The following GNAO1 variants were observed in gnomAD, a reference collection of about 807,000 sequenced individuals.
GNAO1 encodes G protein subunit alpha o1.
For missense variants in GNAO1, 166 were observed against 478.7 expected, an observed-to-expected ratio of 0.35 and a Z score of 6.10; for synonymous variants, 164 against 180.7, an observed-to-expected ratio of 0.91 and a Z score of 0.74.
At chr16:56,338,911 T>C (rs999117938) in intron 6 of GNAO1, among the ~76,000 whole-genome samples, 2 of 152,120 alleles carry the variant, frequency 1.3e-5, no homozygotes, top group Non-Finnish European at 2.9e-5. Context: ...CCTCCCTTTT[T>C]CCCCATTTCC....
chr16:56,242,785 T>G (rs1403894363), intron 2 of GNAO1, among the ~76,000 whole-genome samples: 2 of 152,154 alleles, frequency 1.3e-5, no homozygotes, highest in Non-Finnish European at 2.9e-5. Context: ...AGAAAAACAA[T>G]AGATAAATTA....
At chr16:56,341,429 G>A (rs1297600960) in intron 6 of GNAO1, among the ~76,000 whole-genome samples, 1 of 152,244 alleles carries the variant, frequency 6.6e-6, no homozygotes, top group African/African-American at 2.4e-5. Flanking sequence ...TGTGAGATGG[G>A]GTGATGGCTG....
chr16:56,297,884 A>T (rs1242296486), intron 3 of GNAO1, among the ~76,000 whole-genome samples: 11 of 152,132 alleles, frequency 7.2e-5, no homozygotes, highest in African/African-American at 2.7e-4. Context: ...AAAAATAGTT[A>T]TCGAGTGGGA....
chr16:56,266,425 C>A (rs2036954588), intron 2 of GNAO1, among the ~76,000 whole-genome samples: 2 of 152,180 alleles, frequency 1.3e-5, no homozygotes, highest in Non-Finnish European at 2.9e-5. Flanking sequence ...GAAATTAAGA[C>A]CCAGAATAAT....
chr16:56,322,676 A>G (rs544627878), intron 3 of GNAO1, among the ~76,000 whole-genome samples: 1 of 152,144 alleles, frequency 6.6e-6, no homozygotes, highest in East Asian at 1.9e-4. Flanking sequence ...TGAGATGTGA[A>G]GTCCAGAGCT....
intron 2 of GNAO1, among the ~76,000 whole-genome samples, chr16:56,229,761 A>T (rs965479136): frequency 3.3e-5 from 5 of 151,408 alleles, no homozygotes; most frequent in African/African-American, 9.7e-5. Context: ...TGAGGCCCAG[A>T]AACTCAAGTG....
chr16:56,318,178 G>C (rs1387142946), intron 3 of GNAO1, among the ~76,000 whole-genome samples: 19 of 152,334 alleles, frequency 1.2e-4, no homozygotes, highest in Non-Finnish European at 8.8e-5. Flanking sequence ...CTGACGCCCA[G>C]CTGCAGAGAG....
At chr16:56,244,766 C>G (rs1368064539) in intron 2 of GNAO1, among the ~76,000 whole-genome samples, 1 of 152,108 alleles carries the variant, frequency 6.6e-6, no homozygotes, top group East Asian at 1.9e-4. Context: ...GTGGGCTGGC[C>G]AGTATAGCCA....
intron 2 of GNAO1, among the ~76,000 whole-genome samples, chr16:56,242,355 G>C (rs2036701388): frequency 6.6e-6 from 1 of 152,148 alleles, no homozygotes; most frequent in South Asian, 2.1e-4. Context: ...AAGAGATTCA[G>C]AATAGCCAAA....
rs1369212779 is a variant in GNAO1 at position 56,199,755 on chromosome 16, G to A, written c.161+7139G>A. 2.6e-5 allele frequency among the ~76,000 whole-genome samples: 4 copies of A among 152,196 alleles called. No homozygotes were observed. In the East Asian group the frequency reaches 5.8e-4, roughly 22 times the overall value. On this transcript the variant is annotated intron_variant, in intron 2 of 8. Coordinates refer to ENST00000262493, the MANE Select transcript of GNAO1 (RefSeq NM_020988.3). ...AAAGAGAAACTTAGAAGCCTGAAAGGCGGTGGGGAATAGTGGGAGTATTTA... is the reference window on the plus strand; with the variant it reads ...AAAGAGAAACTTAGAAGCCTGAAAGACGGTGGGGAATAGTGGGAGTATTTA...
chr16:56,244,377 A>C (rs1055542495), intron 2 of GNAO1, among the ~76,000 whole-genome samples: 14 of 152,028 alleles, frequency 9.2e-5, no homozygotes, highest in African/African-American at 2.7e-4. Flanking sequence ...AAAAAAAAAA[A>C]AAACCTAACA....
At chr16:56,340,158 C>T (rs2037786653) in intron 6 of GNAO1, 1 of 152,246 alleles carries the variant, frequency 6.6e-6, no homozygotes, top group Non-Finnish European at 1.5e-5. Flanking sequence ...TCTCTGTTTT[C>T]ATCTGTTTTG....
intron 3 of GNAO1, among the ~76,000 whole-genome samples, chr16:56,296,305 C>T (rs1252458542): frequency 1.3e-5 from 2 of 152,102 alleles, no homozygotes; most frequent in African/African-American, 4.8e-5. Flanking sequence ...GGCTATTCCT[C>T]TGTTGTGATG....
intron 2 of GNAO1, among the ~76,000 whole-genome samples, chr16:56,258,375 A>C (rs1408044440): frequency 6.6e-6 from 1 of 152,230 alleles, no homozygotes; most frequent in African/African-American, 2.4e-5. Flanking sequence ...ACTTCATGAG[A>C]AAATATATAA....
rs1381326815 is a variant in GNAO1 at position 56,192,241 on chromosome 16, A to C, written c.6A>C (p.Gly2=). The C allele has an allele frequency of 6.4e-7, 1 of 1,574,288 alleles. No homozygotes were observed. Among genetic ancestry groups the C allele is most frequent in the South Asian group, 1.1e-5 (1 of 88,302 alleles). ...GTGGCAGGGAAGGGGCCACCATGGG[A>C]TGTACTCTGAGCGCAGAGGAGAGAG... is the stretch of plus-strand genomic sequence containing the variant. M[G]CTLSAEERAA... The change falls in exon 1 of 9, where the codon GGA becomes GGC. Residue 2 remains glycine (G), a synonymous_variant. Coordinates refer to ENST00000262493, the MANE Select transcript of GNAO1 (RefSeq NM_020988.3).
intron 2 of GNAO1, among the ~76,000 whole-genome samples, chr16:56,199,891 C>T (rs996159254): frequency 6.6e-6 from 1 of 152,186 alleles, no homozygotes; most frequent in East Asian, 1.9e-4. Context: ...AAAATAAAAT[C>T]TTGCAAGGCT....
intron 6 of GNAO1, chr16:56,346,029 G>A (rs1239463934): frequency 1.0e-6 from 1 of 985,290 alleles, no homozygotes; most frequent in African/African-American, 1.7e-5. Context: ...CTAGAACTGG[G>A]GCTGGAGGAG....
At chr16:56,292,047 T>C (rs1252302648) in intron 3 of GNAO1, among the ~76,000 whole-genome samples, 2 of 152,196 alleles carry the variant, frequency 1.3e-5, no homozygotes, top group African/African-American at 4.8e-5. Flanking sequence ...GGACTTACAC[T>C]CTTTTGGAGC....
intron 2 of GNAO1, among the ~76,000 whole-genome samples, chr16:56,206,187 G>A (rs1467547861): frequency 6.6e-6 from 1 of 152,056 alleles, no homozygotes; most frequent in Non-Finnish European, 1.5e-5. Context: ...GGGCATGGTG[G>A]TGGGCGACTG....
Sources: gnomAD v4.1 joint callset for allele counts (sites outside exome capture counted in the v4.1 genomes callset) on GRCh38, gnomAD v4.1.1 for gene constraint, MANE v1.5 for transcripts, NCBI Gene and HGNC (gene_info 2026-07-23, HGNC 2026-07-21) for gene names.